The following TASP1 variants were observed in gnomAD, a reference collection of about 807,000 sequenced individuals.
TASP1 encodes the protein taspase 1.
Under a neutral mutation model 56.6 loss-of-function variants are expected in TASP1, and 16 were observed. The ratio of observed to expected loss-of-function variants is 0.28; its 90% confidence interval spans 0.19 to 0.43. TASP1 has a LOEUF of 0.43. Among genes scored for constraint, TASP1 ranks in the 20% least tolerant of loss-of-function variants. The pLI is 1.00. For missense variants in TASP1, 393 were observed against 511.6 expected (o/e 0.77, Z 2.24); for synonymous variants, 179 against 184.2 (o/e 0.97, Z 0.23).
At chr20:13,477,910 G>T (rs1213211171) in intron 11 of TASP1, among the ~76,000 whole-genome samples, 1 of 152,034 alleles carries the variant, frequency 6.6e-6, no homozygotes, top group Non-Finnish European at 1.5e-5. Flanking sequence ...CTTGGCATAA[G>T]GTAATGCAAG....
chr20:13,180,386 T>G, the TASP1 span, among the ~76,000 whole-genome samples: 2,079 of 152,278 alleles, frequency 0.014, 24 homozygotes, highest in Non-Finnish European at 0.019. Context: ...AGCCATGTTC[T>G]GAGGTCTTCT....
chr20:13,168,226 C>G, the TASP1 span: 1 of 150,248 alleles, frequency 6.7e-6, no homozygotes, highest in Non-Finnish European at 1.5e-5. Flanking sequence ...TCTTGTTGCC[C>G]AGGCTATAGT....
At chr20:13,361,188 C>A in the TASP1 span, among the ~76,000 whole-genome samples, 8 of 151,558 alleles carry the variant, frequency 5.3e-5, no homozygotes, top group Non-Finnish European at 2.9e-5. Context: ...ACTCAACATG[C>A]CCTGAGTCAG....
chr20:13,456,611 G>T (rs1221357198), intron 11 of TASP1, among the ~76,000 whole-genome samples: 1 of 152,030 alleles, frequency 6.6e-6, no homozygotes, highest in Non-Finnish European at 1.5e-5. Flanking sequence ...TCTTTAACTG[G>T]CTGAAGCTTA....
the TASP1 span, among the ~76,000 whole-genome samples, chr20:13,362,052 G>A: frequency 0.021 from 3,117 of 146,902 alleles, 57 homozygotes; most frequent in Middle Eastern, 0.028. Context: ...ATCACCCCTT[G>A]CCACAAGACC....
At chr20:13,308,821 AG>A in the TASP1 span, among the ~76,000 whole-genome samples, 1 of 152,184 alleles carries the variant, frequency 6.6e-6, no homozygotes. Context: ...TTAGGTCATG[AG>A]GGTGGAACCC....
chr20:13,410,238 A>C (rs1195756155), intron 13 of TASP1, among the ~76,000 whole-genome samples: 2 of 152,182 alleles, frequency 1.3e-5, no homozygotes, highest in Non-Finnish European at 2.9e-5. Context: ...ATATATTTTT[A>C]GGTTGATTCT....
chr20:13,209,938 A>G, the TASP1 span, among the ~76,000 whole-genome samples: 3 of 152,212 alleles, frequency 2.0e-5, no homozygotes, highest in Non-Finnish European at 4.4e-5. Context: ...ATGCACAAGC[A>G]TCCAGATCAA....
At chr20:13,586,563 A>G (rs1303016186) in intron 5 of TASP1, among the ~76,000 whole-genome samples, 1 of 152,174 alleles carries the variant, frequency 6.6e-6, no homozygotes, top group Non-Finnish European at 1.5e-5. Context: ...GATTATGAAA[A>G]TGTTCTACCT....
intron 11 of TASP1, among the ~76,000 whole-genome samples, chr20:13,481,385 G>C (rs942054448): frequency 9.2e-5 from 14 of 152,082 alleles, no homozygotes; most frequent in African/African-American, 3.4e-4. Flanking sequence ...ACAAACATGG[G>C]AGTGCAAATA....
chr20:13,354,331 A>G, the TASP1 span, among the ~76,000 whole-genome samples: 1 of 152,212 alleles, frequency 6.6e-6, no homozygotes, highest in Non-Finnish European at 1.5e-5. Flanking sequence ...ACATGTCTTG[A>G]GGTCAAAACA....
intron 4 of TASP1, 90 bp from the exon 5 acceptor site, chr20:13,587,460 G>T (rs931032592): frequency 9.0e-7 from 1 of 1,111,884 alleles, no homozygotes; most frequent in East Asian, 2.6e-5. Context: ...AAGCTAGAAG[G>T]TGAGAGAATA....
the TASP1 span, chr20:13,110,162 C>G: frequency 6.2e-7 from 1 of 1,613,634 alleles, no homozygotes; most frequent in Non-Finnish European, 8.5e-7. Context: ...CTATGGCCAG[C>G]CTCGAACCCG....
At chr20:13,335,324 GCACACACACACA>G in the TASP1 span, among the ~76,000 whole-genome samples, 20 of 141,542 alleles carry the variant, frequency 1.4e-4, no homozygotes, top group South Asian at 4.7e-4. Flanking sequence ...CCTCACCTAT[GCACACACACACA>G]CACACACACA....
chr20:13,479,849 T>C (rs1179378900), intron 11 of TASP1, among the ~76,000 whole-genome samples: 1 of 152,190 alleles, frequency 6.6e-6, no homozygotes, highest in Non-Finnish European at 1.5e-5. Flanking sequence ...AAGGATCAAA[T>C]ATAATTTTGG....
chr20:13,600,196 C>G (rs6033768), intron 4 of TASP1, among the ~76,000 whole-genome samples: 1 of 151,818 alleles, frequency 6.6e-6, no homozygotes, highest in Non-Finnish European at 1.5e-5. Flanking sequence ...TTAAATTGAT[C>G]AACAGGTTCA....
At chr20:13,187,946 T>G in the TASP1 span, among the ~76,000 whole-genome samples, 3 of 152,004 alleles carry the variant, frequency 2.0e-5, no homozygotes, top group Non-Finnish European at 2.9e-5. Context: ...TATATACATA[T>G]ATATATATGA....
At chr20:13,180,700 T>C in the TASP1 span, among the ~76,000 whole-genome samples, 1 of 152,184 alleles carries the variant, frequency 6.6e-6, no homozygotes, top group Non-Finnish European at 1.5e-5. Context: ...TGAGAAACTG[T>C]TCAGTCTGTC....
intron 13 of TASP1, among the ~76,000 whole-genome samples, chr20:13,404,764 C>G (rs545305784): frequency 7.9e-5 from 12 of 152,258 alleles, no homozygotes; most frequent in African/African-American, 2.9e-4. Context: ...AAAAATATCT[C>G]AAATAAATTG....
Sources: gnomAD v4.1 joint callset for allele counts (sites outside exome capture counted in the v4.1 genomes callset) on GRCh38, gnomAD v4.1.1 for gene constraint, MANE v1.5 for transcripts, NCBI Gene and HGNC (gene_info 2026-07-23, HGNC 2026-07-21) for gene names.